The following FN1 variants were observed in gnomAD, a reference collection of about 807,000 sequenced individuals.
The protein encoded by FN1 is fibronectin 1.
FN1 carries 106 observed loss-of-function variants against 297.3 expected under a neutral mutation model. The observed-to-expected ratio is 0.36, with a 90% CI of 0.30 to 0.42. The LOEUF (loss-of-function observed/expected upper bound fraction) is 0.42, where lower values mean the gene tolerates loss of function less well. FN1 is among the 10% of genes least tolerant of loss of function. The pLI is 1.00. For missense variants in FN1, 2,690 were observed against 3,124.9 expected (o/e 0.86, Z 3.32); for synonymous variants, 1,149 against 1,152.6 (o/e 1.00, Z 0.06).
At position 215,388,206 on chromosome 2, in the gene FN1, A is replaced by T. The variant is rs1225261130; in HGVS notation, c.4342+6T>A. The T allele has an allele frequency of 6.2e-7, 1 of 1,606,724 alleles. No individual in the cohort carries two copies. Among genetic ancestry groups the T allele is most frequent in the Non-Finnish European group, 8.5e-7 (1 of 1,173,332 alleles). ...ACTGGATAGTCATACTGCCAACACC[A>T]CTCACCTGTTTTCTGTCTTCCTCTA... On this transcript the variant is annotated splice_donor_region_variant and intron_variant, in intron 27 of 45. Coordinates refer to ENST00000354785, the MANE Select transcript of FN1 (RefSeq NM_212482.4).
chr2:215,391,834 A>C lies in FN1; in HGVS notation c.4070-20T>G. 23 of 1,610,708 alleles carry C rather than the reference A, an allele frequency of 1.4e-5. No homozygotes were observed. The highest frequency in any genetic ancestry group is 2.0e-5 in the Non-Finnish European group (23 of 1,176,922). On this transcript the variant is annotated intron_variant, in intron 25 of 45. Transcript: ENST00000354785. Reference sequence around the variant, plus strand: ...GAACAGCTGGTTTCGAACAAGAAGGAAGACTCAGTTAATGTAATTTTAAAA... The same window carrying C: ...GAACAGCTGGTTTCGAACAAGAAGGCAGACTCAGTTAATGTAATTTTAAAA...
intron 38 of FN1, among the ~76,000 whole-genome samples, chr2:215,374,900 C>A (rs188424530): frequency 1.3e-5 from 2 of 152,324 alleles, no homozygotes; most frequent in East Asian, 1.9e-4. Flanking sequence ...GACAGAATCA[C>A]AATCAGCTAG....
rs370167173 is a variant in FN1, at chr2:215,367,036, A to G, written c.7018+827T>C. On this transcript the variant is annotated intron_variant, in intron 42 of 45. Coordinates refer to ENST00000354785, the MANE Select transcript of FN1 (RefSeq NM_212482.4). ...TACAAGTTAAGTAAAATACTTTGAA[A>G]ATCTCTTTTACCAAGTCTTATATTC... Among the ~76,000 whole-genome samples, 44 of 152,190 alleles carry G rather than the reference A, an allele frequency of 2.9e-4. 2 individuals are homozygous for G. Among genetic ancestry groups the G allele is most frequent in the East Asian group, 2.3e-3 (12 of 5,190 alleles).
In FN1 at chr2:215,421,005, C is replaced by G. The variant is rs542529299; in HGVS notation, c.1547-204G>C. 1.2e-5 allele frequency: 7 copies of G among 564,102 alleles called. No homozygotes were observed. The African/African-American group carries it at 1.3e-4, about 11-fold the overall frequency. The allele number at this position is 564,102 out of a possible 1,614,324, so 34.9% of individuals were successfully genotyped here. The stretch of plus-strand genomic sequence containing the variant: ...TTTTGCCAAAAAAATTTTTTTCTTC[C>G]CAAAATGTGTAACTTTTGCAGAGGT... On this transcript the variant is annotated intron_variant, in intron 10 of 45. Coordinates refer to ENST00000354785, the MANE Select transcript of FN1 (RefSeq NM_212482.4).
chr2:215,397,299 C>A lies in FN1; in HGVS notation c.3518-76G>T, dbSNP rs2060412531. 6.8e-6 allele frequency: 7 copies of A among 1,024,816 alleles called. No homozygotes were observed. The South Asian group carries it at 7.6e-5, about 11-fold the overall frequency. 63.5% of individuals were successfully genotyped at this position (1,024,816 alleles called of 1,614,324 possible). On this transcript the variant is annotated intron_variant, in intron 22 of 45. Transcript: ENST00000354785. ...CTGTGTAATCTTTCCTCCTTCCCTA[C>A]CTCCCTCTCTTCCATGCTTCTTCCC...
intron 42 of FN1, among the ~76,000 whole-genome samples, chr2:215,365,966 A>ATTTTTTTTTT (rs559516647): frequency 9.7e-3 from 871 of 90,226 alleles, no homozygotes; most frequent in Non-Finnish European, 0.011. Flanking sequence ...CCACAGTGCT[A>ATTTTTTTTTT]TTTTTTTTTT....
chr2:215,426,924 G>A (rs1450444124), intron 6 of FN1, among the ~76,000 whole-genome samples: 1 of 151,714 alleles, frequency 6.6e-6, no homozygotes, highest in East Asian at 1.9e-4. Context: ...CACCCAGGCT[G>A]GAGTGCAGTG....
chr2:215,380,782 G>A, intron 33 of FN1, 29 bp downstream of exon 33: 1 of 1,610,858 alleles, frequency 6.2e-7, no homozygotes, highest in Non-Finnish European at 8.5e-7. Context: ...TGCTCCCATG[G>A]GCACCTGGTG....
At chr2:215,406,656 C>T in intron 18 of FN1, 146 bp from the exon 19 acceptor site, 1 of 822,866 alleles carries the variant, frequency 1.2e-6, no homozygotes, top group Non-Finnish European at 2.0e-6. Context: ...ATCACATTTT[C>T]ATGGTCCAGT....
Position 215,372,017 on chromosome 2 carries a change from T to C in FN1, c.6606A>G (p.Thr2202=), listed in dbSNP as rs753952665. ...TTGTCTGAGAGAGAGCTTCTTGTCCTGTAGAGGCATTTGGATTGAGTCCCG... is the reference window on the plus strand; with the variant it reads ...TTGTCTGAGAGAGAGCTTCTTGTCCCGTAGAGGCATTTGGATTGAGTCCCG... ...HGPGLNPNAS[T]GQEALSQTTI... is the part of the protein sequence containing the mutation. Residue 2202 remains threonine (T), a synonymous_variant, in exon 40 of 46, where the codon ACA becomes ACG. Coordinates refer to ENST00000354785, the MANE Select transcript of FN1 (RefSeq NM_212482.4). 1.9e-6 allele frequency: 3 copies of C among 1,614,250 alleles called. No individual in the cohort carries two copies. Among genetic ancestry groups the C allele is most frequent in the Non-Finnish European group, 2.5e-6 (3 of 1,180,040 alleles).
In FN1 at chr2:215,433,320, T is replaced by A. The variant is rs202045696; in HGVS notation, c.415+4A>T. The stretch of plus-strand genomic sequence containing the variant: ...GGCATCATTTTACACAATCTCTTCC[T>A]TACTTGCGATGGTACAGCTTATTCT... On this transcript the variant is annotated splice_donor_region_variant and intron_variant, in intron 3 of 45. Transcript: ENST00000354785. 1 of 1,614,146 alleles carries A rather than the reference T, an allele frequency of 6.2e-7. No homozygotes were observed. The highest frequency in any genetic ancestry group is 1.3e-5 in the African/African-American group (1 of 75,062).
At chr2:215,371,267 C>T (rs202068116) in intron 40 of FN1, among the ~76,000 whole-genome samples, 20 of 134,746 alleles carry the variant, frequency 1.5e-4, no homozygotes, top group African/African-American at 4.7e-4. Context: ...GACTCCATCT[C>T]GGGGAAAAAA....
At chr2:215,379,544 C>A in intron 33 of FN1, 1 of 487,508 alleles carries the variant, frequency 2.1e-6, no homozygotes, top group Non-Finnish European at 3.7e-6. Context: ...TCACTGAAAA[C>A]ATTTGGGTAA....
intron 17 of FN1, among the ~76,000 whole-genome samples, 157 bp from the exon 18 acceptor site, chr2:215,407,478 CTAATAA>C (rs2061916472): frequency 6.6e-6 from 1 of 152,180 alleles, no homozygotes; most frequent in African/African-American, 2.4e-5. Flanking sequence ...GCCACTTCTT[CTAATAA>C]TGACTATTCA....
At chr2:215,408,252 G>A in intron 16 of FN1, 46 bp downstream of exon 16, 1 of 1,613,922 alleles carries the variant, frequency 6.2e-7, no homozygotes, top group Non-Finnish European at 8.5e-7. Context: ...ACAGGCCTGT[G>A]TTTTACAGAA....
chr2:215,405,462 G>A (rs564382388), intron 19 of FN1, among the ~76,000 whole-genome samples: 3 of 152,224 alleles, frequency 2.0e-5, no homozygotes, highest in South Asian at 4.1e-4. Context: ...AAGACCTTCC[G>A]GCTGGGCACG....
chr2:215,391,881 G>C lies in FN1; in HGVS notation c.4070-67C>G, dbSNP rs1024415046. The stretch of plus-strand genomic sequence containing the variant: ...AAAATTAAAGCTAACGAAGTAGCTG[G>C]AAAGGTAAAATCAATATTTCATGCA... On this transcript the variant is annotated intron_variant, in intron 25 of 45. Coordinates refer to ENST00000354785, the MANE Select transcript of FN1 (RefSeq NM_212482.4). 8 of 1,404,984 alleles carry C rather than the reference G, an allele frequency of 5.7e-6. No individual in the cohort carries two copies. In the African/African-American group the frequency reaches 1.1e-4, roughly 20 times the overall value. 87.0% of individuals were successfully genotyped at this position (1,404,984 alleles called of 1,614,324 possible).
In FN1 at chr2:215,379,851, C is replaced by T. The variant is rs558163209; in HGVS notation, c.5435-534G>A. Reference sequence around the variant, plus strand: ...GGGACTACAGGCATGTGTCACCACACCTCGCTAATTTTTTCATATTTTTTT... The same window carrying T: ...GGGACTACAGGCATGTGTCACCACATCTCGCTAATTTTTTCATATTTTTTT... On this transcript the variant is annotated intron_variant, in intron 33 of 45. Coordinates refer to ENST00000354785, the MANE Select transcript of FN1 (RefSeq NM_212482.4). 6.4e-5 allele frequency: 10 copies of T among 155,140 alleles called. 1 individual carries two copies. In the South Asian group the frequency reaches 2.0e-3, roughly 31 times the overall value. The allele number at this position is 155,140 out of a possible 1,614,324, so 9.6% of individuals were successfully genotyped here.
At chr2:215,431,724 T>C (rs1393213781) in intron 4 of FN1, 109 bp downstream of exon 4, 1 of 1,119,456 alleles carries the variant, frequency 8.9e-7, no homozygotes, top group Non-Finnish European at 1.4e-6. Flanking sequence ...CATTTCTTTA[T>C]TGGTTTTCAC....
Sources: gnomAD v4.1 joint callset for allele counts (sites outside exome capture counted in the v4.1 genomes callset) on GRCh38, gnomAD v4.1.1 for gene constraint, MANE v1.5 for transcripts, NCBI Gene and HGNC (gene_info 2026-07-23, HGNC 2026-07-21) for gene names.